Variants in RMI1 observed in about 807,000 individuals in gnomAD.
RMI1 encodes the protein RecQ mediated genome instability 1.
A neutral mutation model predicts 46.7 loss-of-function variants in RMI1; 36 were observed. The ratio of observed to expected loss-of-function variants is 0.77; its 90% CI spans 0.59 to 1.02. The LOEUF is 1.02. Among genes scored for constraint, RMI1 ranks in the 50% least tolerant of loss-of-function variants. The pLI is 0.00. For synonymous variants in RMI1, 250 were observed against 252.9 expected (o/e 0.99, Z 0.11); for missense variants, 676 against 713.7 (o/e 0.95, Z 0.60).
intron 1 of RMI1, among the ~76,000 whole-genome samples, chr9:83,993,204 T>C (rs546014007): frequency 2.6e-5 from 4 of 152,218 alleles, no homozygotes; most frequent in Non-Finnish European, 5.9e-5. Context: ...TCCATTTCTG[T>C]GTGCTTGATT....
At chr9:83,990,005 A>G (rs1957545265) in intron 1 of RMI1, among the ~76,000 whole-genome samples, 3 of 152,262 alleles carry the variant, frequency 2.0e-5, no homozygotes, top group Admixed American at 2.0e-4. Flanking sequence ...ATTCAGCCAT[A>G]AAAAAGAATG....
intron 1 of RMI1, among the ~76,000 whole-genome samples, chr9:83,991,703 T>G (rs1353971339): frequency 6.6e-6 from 1 of 152,222 alleles, no homozygotes; most frequent in African/African-American, 2.4e-5. Flanking sequence ...ATTTTGTAGT[T>G]TTAGTTTTTA....
At chr9:83,987,618 A>G (rs1957511475) in intron 1 of RMI1, among the ~76,000 whole-genome samples, 1 of 152,286 alleles carries the variant, frequency 6.6e-6, no homozygotes, top group South Asian at 2.1e-4. Flanking sequence ...GAACAATTCC[A>G]TCACCCCAAA....
At chr9:83,994,077 A>G (rs1023569947) in intron 1 of RMI1, among the ~76,000 whole-genome samples, 1 of 151,240 alleles carries the variant, frequency 6.6e-6, no homozygotes. Context: ...AGCCACTGTT[A>G]TCAGCTCATT....
At chr9:83,993,421 C>A (rs1203834309) in intron 1 of RMI1, among the ~76,000 whole-genome samples, 2 of 152,088 alleles carry the variant, frequency 1.3e-5, no homozygotes, top group Non-Finnish European at 2.9e-5. Flanking sequence ...GTTTCTGTAT[C>A]GTTAATGTGA....
chr9:83,988,880 CAG>C (rs534473644), intron 1 of RMI1, among the ~76,000 whole-genome samples: 46 of 152,034 alleles, frequency 3.0e-4, no homozygotes, highest in African/African-American at 1.1e-3. Context: ...TTTGTTGAGA[CAG>C]GGTCTTGCTC....
intron 1 of RMI1, among the ~76,000 whole-genome samples, chr9:83,985,737 G>T (rs1381640960): frequency 1.3e-5 from 2 of 152,310 alleles, no homozygotes; most frequent in Middle Eastern, 3.4e-3. Flanking sequence ...GGCCGGGCGC[G>T]GTGGCTCACG....
chr9:83,984,270 AC>A (rs1403845082), intron 1 of RMI1, among the ~76,000 whole-genome samples: 16 of 122,230 alleles, frequency 1.3e-4, no homozygotes, highest in African/African-American at 5.3e-4. Flanking sequence ...GTATGAACAT[AC>A]CTTTTTTTTT....
At chr9:83,996,990 A>G (rs1957663340) in intron 1 of RMI1, among the ~76,000 whole-genome samples, 1 of 151,584 alleles carries the variant, frequency 6.6e-6, no homozygotes, top group African/African-American at 2.4e-5. Flanking sequence ...AACATAGGAC[A>G]TGGGGCGGGA....
At position 84,001,997 on chromosome 9, in the gene RMI1, ACCATTGACTTTTAACAGAAATG is replaced by A. The variant is rs1411521550; in HGVS notation, c.1014_1035del (p.Leu339IlefsTer4). 1.5e-5 allele frequency: 24 copies of A among 1,613,974 alleles called. No homozygotes were observed. Among genetic ancestry groups the A allele is most frequent in the Non-Finnish European group, 1.8e-5 (21 of 1,179,966 alleles). On this transcript the variant is annotated frameshift_variant, in exon 3 of 3. Coordinates refer to ENST00000445877, the MANE Select transcript of RMI1 (RefSeq NM_001358291.2). LOFTEE classifies it high-confidence loss of function. ...AACAGATGGAAACTAAGGAATTGCA[ACCATTGACTTTTAACAGAAATG>A]CCGATCGAAGTATAGAGAGATTTTC...
At chr9:83,989,622 C>T (rs1239976428) in intron 1 of RMI1, among the ~76,000 whole-genome samples, 6 of 144,370 alleles carry the variant, frequency 4.2e-5, no homozygotes, top group Non-Finnish European at 9.1e-5. Flanking sequence ...ATCAAAACCA[C>T]AATGAGATAT....
intron 1 of RMI1, chr9:83,993,007 T>G (rs1320914946): frequency 6.6e-6 from 1 of 152,160 alleles, no homozygotes; most frequent in Non-Finnish European, 1.5e-5. Context: ...CTTCTCCATT[T>G]CCAGTGCTTT....
At chr9:83,987,596 C>T (rs558222330) in intron 1 of RMI1, among the ~76,000 whole-genome samples, 23 of 152,142 alleles carry the variant, frequency 1.5e-4, no homozygotes, top group Non-Finnish European at 3.4e-4. Flanking sequence ...CCACCACCAT[C>T]GTCATGTTAT....
At position 84,003,078 on chromosome 9, in the gene RMI1, G is replaced by T. The variant is rs1366154178; in HGVS notation, c.*214G>T. On this transcript the variant is annotated 3_prime_UTR_variant, in exon 3 of 3. Transcript: ENST00000445877. The stretch of plus-strand genomic sequence containing the variant: ...TTTTTTTTTTTAATGTCAGGGTATT[G>T]CTCTGTTGCCCAGGCTAGAGTGCAG... The T allele has an allele frequency of 1.1e-5, 4 of 376,276 alleles. No homozygotes were observed. Among genetic ancestry groups the T allele is most frequent in the Admixed American group, 4.4e-5 (1 of 22,852 alleles). 23.3% of individuals were successfully genotyped at this position (376,276 alleles called of 1,614,324 possible).
intron 1 of RMI1, among the ~76,000 whole-genome samples, chr9:83,992,613 C>T (rs940966273): frequency 2.6e-5 from 4 of 152,192 alleles, no homozygotes; most frequent in Admixed American, 2.6e-4. Flanking sequence ...TTTTTCACTG[C>T]TCTGCACATG....
chr9:83,996,240 C>T (rs1233527311), intron 1 of RMI1, among the ~76,000 whole-genome samples: 2 of 152,230 alleles, frequency 1.3e-5, no homozygotes, highest in Non-Finnish European at 2.9e-5. Context: ...CTGGACCACA[C>T]TACGTGTGTT....
chr9:83,988,135 C>CA (rs1957519358), intron 1 of RMI1, among the ~76,000 whole-genome samples: 1 of 152,154 alleles, frequency 6.6e-6, no homozygotes, highest in Non-Finnish European at 1.5e-5. Context: ...CCTCCCACCT[C>CA]AGTTTCCCCA....
rs574638973 is a variant in RMI1 at position 84,003,910 on chromosome 9, G to C, written c.*1046G>C. ...CATATAAGCCTTCCTTTGGTTTTAA[G>C]TACTGATTTTTTTTTAAAAAAAAGA... On this transcript the variant is annotated 3_prime_UTR_variant, in exon 3 of 3. Transcript: ENST00000445877. 6.0e-6 allele frequency: 1 copy of C among 166,488 alleles called. No individual in the cohort carries two copies. Among genetic ancestry groups the C allele is most frequent in the Admixed American group, 6.6e-5 (1 of 15,260 alleles). 10.3% of individuals were successfully genotyped at this position (166,488 alleles called of 1,614,324 possible).
intron 1 of RMI1, among the ~76,000 whole-genome samples, chr9:83,998,023 C>G (rs1957683869): frequency 6.6e-6 from 1 of 151,904 alleles, no homozygotes; most frequent in Non-Finnish European, 1.5e-5. Context: ...TCTTGAACTC[C>G]TGGGCTCAAG....
Sources: allele counts gnomAD v4.1 joint callset (sites outside exome capture counted in the v4.1 genomes callset), GRCh38; gene constraint gnomAD v4.1.1; transcripts MANE v1.5; gene names NCBI Gene and HGNC (gene_info 2026-07-23, HGNC 2026-07-21).